The following TBC1D32 variants were observed in gnomAD, a reference collection of about 807,000 sequenced individuals.
The protein encoded by TBC1D32 is protein broad-minded.
In TBC1D32, 151 loss-of-function variants were observed where a neutral mutation model predicts 170.3. The ratio of observed to expected loss-of-function variants is 0.89; its 90% CI spans 0.78 to 1.01. TBC1D32 has a LOEUF of 1.01. Among genes scored for constraint, TBC1D32 ranks in the 50% least tolerant of loss-of-function variants. The pLI is 0.00. For synonymous variants in TBC1D32, 498 were observed against 488.0 expected (o/e 1.02, Z -0.27); for missense variants, 1,464 against 1,457.1 (o/e 1.00, Z -0.08).
chr6:121,296,070 C>G (rs1805585089), intron 10 of TBC1D32, among the ~76,000 whole-genome samples: 1 of 152,114 alleles, frequency 6.6e-6, no homozygotes, highest in Admixed American at 6.6e-5. Flanking sequence ...AAAACAAAAA[C>G]CAGGCACTGA....
chr6:121,301,446 C>A (rs1806464485), intron 9 of TBC1D32, among the ~76,000 whole-genome samples: 1 of 152,052 alleles, frequency 6.6e-6, no homozygotes, highest in Admixed American at 6.6e-5. Context: ...AACAGAAAAC[C>A]AAACACAGCG....
chr6:121,242,333 A>C lies in TBC1D32; in HGVS notation c.2025T>G (p.Ala675=). ...SVSQESQNIM[A]WEDNLLDDLL... ...AATCATCTAACAAATTATCTTCCCA[A>C]GCCATACTGAAATAGGTAAAAGAAA... The change falls in exon 18 of 32, where the codon GCT becomes GCG. Residue 675 remains alanine, a synonymous_variant. Transcript: ENST00000398212. The C allele has an allele frequency of 1.2e-6, 2 of 1,611,954 alleles. No individual in the cohort carries two copies. The highest frequency in any genetic ancestry group is 1.7e-6 in the Non-Finnish European group (2 of 1,179,156).
intron 24 of TBC1D32, among the ~76,000 whole-genome samples, chr6:121,150,844 G>A (rs1303879216): frequency 6.6e-6 from 1 of 152,026 alleles, no homozygotes; most frequent in Non-Finnish European, 1.5e-5. Flanking sequence ...GGGATCAGTG[G>A]TGATATCCCC....
At chr6:121,081,736 T>G (rs1255556517) in intron 31 of TBC1D32, among the ~76,000 whole-genome samples, 2 of 151,954 alleles carry the variant, frequency 1.3e-5, no homozygotes, top group Non-Finnish European at 2.9e-5. Flanking sequence ...GAAACCTCAA[T>G]ATAGAAATAG....
intron 15 of TBC1D32, 100 bp from the exon 16 acceptor site, chr6:121,256,385 C>G: frequency 2.1e-6 from 2 of 964,344 alleles, no homozygotes; most frequent in Non-Finnish European, 1.5e-6. Flanking sequence ...CTTAGTCCTC[C>G]TCTAACTTTT....
intron 22 of TBC1D32, among the ~76,000 whole-genome samples, chr6:121,168,570 G>A (rs1682527100): frequency 1.2e-5 from 1 of 80,836 alleles, no homozygotes; most frequent in South Asian, 7.4e-4. Context: ...GGTGGGGTCG[G>A]GGGAGGGGGG....
intron 16 of TBC1D32, among the ~76,000 whole-genome samples, chr6:121,255,881 T>C (rs1008929131): frequency 2.0e-5 from 3 of 152,124 alleles, no homozygotes; most frequent in African/African-American, 7.2e-5. Context: ...ATTTAAGTCT[T>C]AGAACTTTGT....
At chr6:121,271,042 C>T (rs112916608) in intron 15 of TBC1D32, among the ~76,000 whole-genome samples, 7,735 of 152,086 alleles carry the variant, frequency 0.051, 381 homozygotes, top group African/African-American at 0.12. Context: ...GCAGAAAAGG[C>T]CTTCAATAAA....
intron 30 of TBC1D32, among the ~76,000 whole-genome samples, 166 bp downstream of exon 30, chr6:121,105,857 A>G (rs1419429631): frequency 1.3e-5 from 2 of 152,086 alleles, no homozygotes; most frequent in African/African-American, 4.8e-5. Context: ...AGAAAGCATT[A>G]TAAAGCAAAC....
intron 20 of TBC1D32, 24 bp downstream of exon 20, chr6:121,239,045 TA>T: frequency 7.7e-7 from 1 of 1,297,872 alleles, no homozygotes; most frequent in Non-Finnish European, 1.1e-6. Flanking sequence ...CAAATCTGTG[TA>T]TTATTAGTCA....
At chr6:121,236,912 A>C (rs1796401692) in intron 20 of TBC1D32, 1 of 152,094 alleles carries the variant, frequency 6.6e-6, no homozygotes, top group African/African-American at 2.4e-5. Context: ...TTAAAAAACC[A>C]ATCATATGTA....
intron 3 of TBC1D32, among the ~76,000 whole-genome samples, chr6:121,315,266 A>G (rs1025895100): frequency 6.6e-6 from 1 of 152,218 alleles, no homozygotes. Flanking sequence ...AATAATACCT[A>G]TAGTGAATAT....
rs185024523 is a variant in TBC1D32, at chr6:121,086,061, C to T, written c.3654+4792G>A. On this transcript the variant is annotated intron_variant, in intron 31 of 31. Transcript: ENST00000398212. ...CACTCAGAAAATTCTGTTTCCTTTGCTTGTATTCTCTACATATCTTCTTCT... is the reference window on the plus strand; with the variant it reads ...CACTCAGAAAATTCTGTTTCCTTTGTTTGTATTCTCTACATATCTTCTTCT... 3.1e-3 allele frequency among the ~76,000 whole-genome samples: 472 copies of T among 152,142 alleles called. 3 individuals are homozygous for T. Among genetic ancestry groups the T allele is most frequent in the African/African-American group, 0.01 (430 of 41,538 alleles).
chr6:121,136,274 C>G (rs1431985533), intron 24 of TBC1D32, among the ~76,000 whole-genome samples: 2 of 152,096 alleles, frequency 1.3e-5, no homozygotes, highest in Non-Finnish European at 2.9e-5. Flanking sequence ...CTGGGTCAAT[C>G]TCAAAAACAT....
intron 10 of TBC1D32, among the ~76,000 whole-genome samples, chr6:121,295,260 T>A (rs1805437680): frequency 7.5e-6 from 1 of 133,882 alleles, no homozygotes; most frequent in Admixed American, 8.6e-5. Flanking sequence ...AGCACCTGCC[T>A]ACCCATCGAT....
At chr6:121,296,109 C>T (rs1583621968) in intron 10 of TBC1D32, among the ~76,000 whole-genome samples, 1 of 152,174 alleles carries the variant, frequency 6.6e-6, no homozygotes, top group African/African-American at 2.4e-5. Flanking sequence ...TGGTATATAA[C>T]ATTTCACATA....
chr6:121,136,524 C>A (rs1202230739), intron 24 of TBC1D32, among the ~76,000 whole-genome samples: 6 of 152,016 alleles, frequency 3.9e-5, no homozygotes, highest in Admixed American at 3.9e-4. Context: ...AAAAATCCCA[C>A]AATGCACAGG....
intron 21 of TBC1D32, among the ~76,000 whole-genome samples, chr6:121,210,034 T>C (rs1325637233): frequency 2.6e-5 from 4 of 152,214 alleles, no homozygotes; most frequent in Non-Finnish European, 4.4e-5. Context: ...AAATTGTGTA[T>C]ATTAAAGGAA....
chr6:121,123,660 A>G (rs1435215679), intron 26 of TBC1D32, among the ~76,000 whole-genome samples: 3 of 152,052 alleles, frequency 2.0e-5, no homozygotes, highest in Non-Finnish European at 4.4e-5. Flanking sequence ...TAGAAAGTAT[A>G]TAGTTAGGTC....
Sources: allele counts gnomAD v4.1 joint callset (sites outside exome capture counted in the v4.1 genomes callset), GRCh38; gene constraint gnomAD v4.1.1; transcripts MANE v1.5; gene names NCBI Gene and HGNC (gene_info 2026-07-23, HGNC 2026-07-21).